ASH1L: variants seen among roughly 807,000 people sequenced by gnomAD.
ASH1L encodes the protein ASH1 like histone lysine methyltransferase.
A neutral mutation model predicts 269.0 loss-of-function variants in ASH1L; 23 were observed. The observed-to-expected ratio is 0.09, with a 90% CI of 0.06 to 0.12. ASH1L has a LOEUF of 0.12. Among genes scored for constraint, ASH1L ranks in the 10% least tolerant of loss-of-function variants. ASH1L has a pLI of 1.00. For synonymous variants in ASH1L, 1,187 were observed against 1,253.5 expected (o/e 0.95, Z 1.12); for missense variants, 2,912 against 3,567.8 (o/e 0.82, Z 4.68).
In ASH1L at chr1:155,480,364, T is replaced by C. The variant is rs1202526740; in HGVS notation, c.2506A>G (p.Met836Val). 12 of 1,613,850 alleles carry C rather than the reference T, an allele frequency of 7.4e-6. No homozygotes were observed. Among genetic ancestry groups the C allele is most frequent in the Admixed American group, 1.7e-5 (1 of 60,004 alleles). Reference sequence around the variant, plus strand: ...TTAGGTGGCCCTTCCAGTTGAGGCATCTCCTTAGATTTAGGCCTTCCTCTT... The same window carrying C: ...TTAGGTGGCCCTTCCAGTTGAGGCACCTCCTTAGATTTAGGCCTTCCTCTT... Reference protein sequence around the residue: ...PKRGRPKSKEMPQLEGPPKRT... With the variant: ...PKRGRPKSKEVPQLEGPPKRT... Residue 836 changes from methionine to valine, a missense_variant, in exon 3 of 28, where the codon ATG (methionine) becomes GTG (valine). Transcript: ENST00000392403.
intron 4 of ASH1L, chr1:155,440,522 T>C (rs1484543342): frequency 1.1e-6 from 1 of 944,692 alleles, no homozygotes; most frequent in Admixed American, 6.2e-5. Flanking sequence ...GGGAACATGT[T>C]TATTCTCATA....
rs768868132 is a variant in ASH1L at position 155,478,414 on chromosome 1, G to A, written c.4456C>T (p.Arg1486Cys). Residue 1486 changes from arginine (R) to cysteine (C), a missense_variant, in exon 3 of 28, where the codon CGT (arginine) becomes TGT (cysteine). Around this residue, in one of 13 missense-constraint regions of ASH1L, gnomAD observed 789 missense variants for 897.6 expected, o/e 0.88. Transcript: ENST00000392403. This position sits in a 1 kb window ranked among gnomAD's most constrained non-coding sequence, Gnocchi z 4.6. ...GWMVEHKHRHRHKHREHRSSE... is the reference protein window; with the variant it reads ...GWMVEHKHRHCHKHREHRSSE... ...GAACGGTGTTCTCTGTGTTTGTGAC[G>A]GTGCCTGTGTTTGTGCTCAACCATC... The A allele has an allele frequency of 4.3e-6, 7 of 1,614,036 alleles. No homozygotes were observed. The highest frequency in any genetic ancestry group is 2.2e-5 in the East Asian group (1 of 44,874).
At chr1:155,368,160 A>G (rs1385977585) in intron 12 of ASH1L, among the ~76,000 whole-genome samples, 1 of 152,014 alleles carries the variant, frequency 6.6e-6, no homozygotes, top group Non-Finnish European at 1.5e-5. Context: ...TAATATTTAA[A>G]TTTTATCTTT....
At position 155,343,034 on chromosome 1, in the gene ASH1L, C is replaced by A; in HGVS notation, c.8293+280G>T. The A allele has an allele frequency of 4.2e-6, 1 of 237,198 alleles. No individual in the cohort carries two copies. The highest frequency in any genetic ancestry group is 8.0e-6 in the Non-Finnish European group (1 of 124,514). The allele number at this position is 237,198 out of a possible 1,614,324, so 14.7% of individuals were successfully genotyped here. On this transcript the variant is annotated intron_variant, in intron 24 of 27. Coordinates refer to ENST00000392403, the MANE Select transcript of ASH1L (RefSeq NM_018489.3). This position sits in a 1 kb window ranked among gnomAD's most constrained non-coding sequence, Gnocchi z 6.1. ...TGAAGTCTTTTTTTTTTTTTTGAGG[C>A]AGGGTTTCATTCTGTTGCACAGGTT...
chr1:155,479,067 T>C lies in ASH1L; in HGVS notation c.3803A>G (p.Gln1268Arg). The C allele has an allele frequency of 6.2e-7, 1 of 1,614,196 alleles. No individual in the cohort carries two copies. Among genetic ancestry groups the C allele is most frequent in the Non-Finnish European group, 8.5e-7 (1 of 1,180,042 alleles). ...ATATTTCTTTTTCCGTTTTCGTTTC[T>C]GCCTTTTCATCTTGTCATAGCTGAG... is the stretch of plus-strand genomic sequence containing the variant. The part of the protein sequence containing the change: ...DYLSYDKMKR[Q>R]KRKRKKKYPQ... The change falls in exon 3 of 28, where the codon CAG (glutamine) becomes CGG (arginine). Residue 1268 changes from glutamine to arginine, a missense_variant. By Grantham distance (43) the Gln-to-Arg change is conservative (BLOSUM62 1). This residue lies in a region of ASH1L where 789 missense variants were observed against 897.6 expected (regional missense o/e 0.88). Coordinates refer to ENST00000392403, the MANE Select transcript of ASH1L (RefSeq NM_018489.3).
intron 6 of ASH1L, among the ~76,000 whole-genome samples, chr1:155,411,726 T>G (rs773728866): frequency 6.0e-5 from 9 of 149,578 alleles, no homozygotes; most frequent in Non-Finnish European, 1.2e-4. Flanking sequence ...CTCTTTGACC[T>G]TCTCCTGTCT....
At chr1:155,549,780 C>T (rs1288482377) in intron 1 of ASH1L, among the ~76,000 whole-genome samples, 2 of 152,060 alleles carry the variant, frequency 1.3e-5, no homozygotes, top group Non-Finnish European at 2.9e-5. Context: ...GACTGTATAT[C>T]CAAACCAAAT....
chr1:155,402,714 T>A (rs543420297), intron 6 of ASH1L, among the ~76,000 whole-genome samples: 2 of 152,172 alleles, frequency 1.3e-5, no homozygotes, highest in Admixed American at 1.3e-4. Flanking sequence ...TATGCCTGGA[T>A]AATTATTTAA....
At position 155,477,957 on chromosome 1, in the gene ASH1L, T is replaced by C; in HGVS notation, c.4913A>G (p.Asp1638Gly). The C allele has an allele frequency of 6.2e-7, 1 of 1,614,222 alleles. No individual in the cohort carries two copies. Among genetic ancestry groups the C allele is most frequent in the Non-Finnish European group, 8.5e-7 (1 of 1,180,030 alleles). The change falls in exon 3 of 28, where the codon GAC becomes GGC. Residue 1638 changes from aspartate (D) to glycine (G), a missense_variant. This residue lies in a region of ASH1L where 789 missense variants were observed against 897.6 expected (regional missense o/e 0.88). Coordinates refer to ENST00000392403, the MANE Select transcript of ASH1L (RefSeq NM_018489.3). ...TDSPGLFSAQ[D>G]TSLNRLHRKE... ...TCTGTGAAGCCGATTTAGTGAAGTGTCCTGTGCAGAAAAGAGTCCAGGGCT... is the reference window on the plus strand; with the variant it reads ...TCTGTGAAGCCGATTTAGTGAAGTGCCCTGTGCAGAAAAGAGTCCAGGGCT...
In ASH1L at chr1:155,336,430, T is replaced by C. The variant is rs1652325416; in HGVS notation, c.*1230A>G. 1 of 152,210 alleles carries C rather than the reference T, an allele frequency of 6.6e-6. No individual in the cohort carries two copies. Among genetic ancestry groups the C allele is most frequent in the Non-Finnish European group, 1.5e-5 (1 of 67,930 alleles). 9.4% of individuals were successfully genotyped at this position (152,210 alleles called of 1,614,324 possible). On this transcript the variant is annotated 3_prime_UTR_variant, in exon 28 of 28. Transcript: ENST00000392403. ...ACACACACACACACAACTTGGCACA[T>C]TTAAAAACCATCTTTTCTCTTATAA... is the stretch of plus-strand genomic sequence containing the variant.
At chr1:155,395,379 C>A in intron 7 of ASH1L, 80 bp downstream of exon 7, 1 of 1,046,374 alleles carries the variant, frequency 9.6e-7, no homozygotes, top group Non-Finnish European at 1.4e-6. Context: ...GAAATAATAA[C>A]AAGATTAAAA....
intron 2 of ASH1L, among the ~76,000 whole-genome samples, chr1:155,511,141 C>A (rs1470787653): frequency 6.6e-6 from 1 of 152,146 alleles, no homozygotes; most frequent in African/African-American, 2.4e-5. Context: ...ATAACCTTTT[C>A]TTAAAGGAAA....
chr1:155,397,499 GAA>G (rs757786971), intron 6 of ASH1L, among the ~76,000 whole-genome samples: 3 of 104,992 alleles, frequency 2.9e-5, no homozygotes, highest in African/African-American at 7.1e-5. Context: ...CTCTGTCTCA[GAA>G]AAAAAAAAAA....
At chr1:155,395,350 T>C (rs902901687) in intron 7 of ASH1L, 109 bp downstream of exon 7, 1 of 779,376 alleles carries the variant, frequency 1.3e-6, no homozygotes, top group Non-Finnish European at 1.9e-6. Context: ...AGAAAGAGCT[T>C]GATCCCACTG....
intron 6 of ASH1L, among the ~76,000 whole-genome samples, chr1:155,407,049 C>T (rs571119589): frequency 1.8e-4 from 27 of 152,056 alleles, no homozygotes; most frequent in Non-Finnish European, 3.4e-4. Context: ...ATGGTGAAAC[C>T]CCATCTCTAC....
chr1:155,452,517 T>G (rs951786054), intron 4 of ASH1L, among the ~76,000 whole-genome samples: 1 of 152,086 alleles, frequency 6.6e-6, no homozygotes, highest in Non-Finnish European at 1.5e-5. Context: ...GTAATCTTCA[T>G]TCCAGAGATA....
chr1:155,349,560 T>G lies in ASH1L; in HGVS notation c.7403A>C (p.Asn2468Thr). 6.2e-7 allele frequency: 1 copy of G among 1,614,046 alleles called. No homozygotes were observed. Among genetic ancestry groups the G allele is most frequent in the Non-Finnish European group, 8.5e-7 (1 of 1,179,980 alleles). Residue 2468 changes from asparagine to threonine, a missense_variant, in exon 18 of 28, where the codon AAC becomes ACC. By Grantham distance (65) the Asn-to-Thr change is moderately conservative. This residue lies in a region of ASH1L where 309 missense variants were observed against 435.1 expected (regional missense o/e 0.71). Transcript: ENST00000392403. ...SRQALAAPLL[N>T]LPPKKKNADY... ...AACCTACTTTTTCTTTGGGGGAAGG[T>G]TCAAAAGTGGAGCTGCCAGTGCTTG...
At chr1:155,385,181 C>T (rs1172017937) in intron 7 of ASH1L, among the ~76,000 whole-genome samples, 2 of 152,092 alleles carry the variant, frequency 1.3e-5, no homozygotes, top group African/African-American at 4.8e-5. Flanking sequence ...CAGTGGCTCA[C>T]GCCTGTAAAC....
At chr1:155,344,362 T>A in intron 21 of ASH1L, 89 bp from the exon 22 acceptor site, 1 of 980,906 alleles carries the variant, frequency 1.0e-6, no homozygotes, top group South Asian at 1.4e-5. Context: ...AATCAAAACT[T>A]ACTGTTTAGT....
Sources: gnomAD v4.1 joint callset for allele counts (sites outside exome capture counted in the v4.1 genomes callset) on GRCh38, gnomAD v4.1.1 for gene constraint, gnomAD v4.1.1 regional missense constraint, Gnocchi (gnomAD v3.1) non-coding constraint, MANE v1.5 for transcripts, NCBI Gene and HGNC (gene_info 2026-07-23, HGNC 2026-07-21) for gene names.